MEAK7: variants seen among roughly 807,000 people sequenced by gnomAD.
MEAK7 encodes the protein MTOR-associated protein MEAK7.
A neutral mutation model predicts 40.5 loss-of-function variants in MEAK7; 68 were observed. That is an observed-to-expected ratio of 1.68 (90% CI 1.38 to 2.06). The LOEUF (loss-of-function observed/expected upper bound fraction) is 2.06. Among genes scored for constraint, MEAK7 ranks in the 30% most tolerant of loss-of-function variants. MEAK7 has a pLI of 0.00. For synonymous variants in MEAK7, 338 were observed against 231.9 expected, an observed-to-expected ratio of 1.46 and a Z score of -4.16; for missense variants, 918 against 580.5, an observed-to-expected ratio of 1.58 and a Z score of -5.98.
Position 84,479,742 on chromosome 16 carries a change from G to C in MEAK7, c.*171C>G, listed in dbSNP as rs550560002. Reference sequence around the variant, plus strand: ...CTATTTCTGGGAGATCCACCCATGAGTCAGGACATGGCTTCAGAGGGCGTC... The same window carrying C: ...CTATTTCTGGGAGATCCACCCATGACTCAGGACATGGCTTCAGAGGGCGTC... On this transcript the variant is annotated 3_prime_UTR_variant, in exon 8 of 8. Coordinates refer to ENST00000343629, the MANE Select transcript of MEAK7 (RefSeq NM_020947.4). The C allele has an allele frequency of 4.6e-6, 2 of 435,412 alleles. No homozygotes were observed. Among genetic ancestry groups the C allele is most frequent in the East Asian group, 7.0e-5 (2 of 28,664 alleles). The allele number at this position is 435,412 out of a possible 1,614,324, so 27.0% of individuals were successfully genotyped here. A position where few individuals can be genotyped will look rare whatever the true frequency, so the allele number is the denominator to read the frequency against.
At chr16:84,500,555 C>A (rs1306800728) in intron 1 of MEAK7, among the ~76,000 whole-genome samples, 2 of 152,166 alleles carry the variant, frequency 1.3e-5, no homozygotes, top group Non-Finnish European at 2.9e-5. Context: ...CTGGGGGGCT[C>A]CTTGGAAGGG....
At chr16:84,485,669 T>TCTAC (rs1218810587) in intron 5 of MEAK7, among the ~76,000 whole-genome samples, 1 of 150,402 alleles carries the variant, frequency 6.6e-6, no homozygotes, top group East Asian at 2.1e-4. Flanking sequence ...CATCCATCTA[T>TCTAC]CTACCTATCT....
chr16:84,495,830 C>A lies in MEAK7; in HGVS notation c.237G>T (p.Ala79=). Residue 79 remains alanine, a synonymous_variant, in exon 3 of 8, where the codon GCG becomes GCT. Transcript: ENST00000343629. Reference sequence around the variant, plus strand: ...GGGACACGTTCTCACTGGGTCCCTTCGCCTTCCCTGTCAGGTCGACCCTCC... The same window carrying A: ...GGGACACGTTCTCACTGGGTCCCTTAGCCTTCCCTGTCAGGTCGACCCTCC... ...GMRRVDLTGK[A]KGPSENVSQE... The A allele has an allele frequency of 6.2e-7, 1 of 1,614,106 alleles. No homozygotes were observed. The highest frequency in any genetic ancestry group is 8.5e-7 in the Non-Finnish European group (1 of 1,180,044).
Position 84,479,424 on chromosome 16 carries a change from A to AAGGTCTCAGCTGCTTAGGAT in MEAK7, c.*488_*489insATCCTAAGCAGCTGAGACCT, listed in dbSNP as rs1360843150. ...AGCGGAATTCCCTAATGCCAGCGGA[A>AAGGTCTCAGCTGCTTAGGAT]TTCCCTAATGCCAGCGGAATTCCCT... On this transcript the variant is annotated 3_prime_UTR_variant, in exon 8 of 8. Coordinates refer to ENST00000343629, the MANE Select transcript of MEAK7 (RefSeq NM_020947.4). The AAGGTCTCAGCTGCTTAGGAT allele has an allele frequency of 6.7e-6, 1 of 148,280 alleles. No homozygotes were observed. Among genetic ancestry groups the AAGGTCTCAGCTGCTTAGGAT allele is most frequent in the South Asian group, 2.2e-4 (1 of 4,528 alleles). The allele number at this position is 148,280 out of a possible 1,614,324, so 9.2% of individuals were successfully genotyped here.
chr16:84,476,669 G>C lies in MEAK7; in HGVS notation c.*3244C>G, dbSNP rs1451338014. ...CATCACGCAGTCCATAAAGACAAGA[G>C]GGAGGCAGGTGGGTGGTTACGGACC... is the stretch of plus-strand genomic sequence containing the variant. On this transcript the variant is annotated 3_prime_UTR_variant, in exon 8 of 8. Transcript: ENST00000343629. 3.3e-5 allele frequency: 5 copies of C among 152,296 alleles called. No homozygotes were observed. Among genetic ancestry groups the C allele is most frequent in the African/African-American group, 1.2e-4 (5 of 41,548 alleles). 9.4% of individuals were successfully genotyped at this position (152,296 alleles called of 1,614,324 possible). A position where few individuals can be genotyped will look rare whatever the true frequency, so the allele number is the denominator to read the frequency against.
intron 4 of MEAK7, 143 bp downstream of exon 4, chr16:84,489,135 G>A (rs751432580): frequency 9.3e-7 from 1 of 1,079,654 alleles, no homozygotes; most frequent in Non-Finnish European, 1.2e-6. Context: ...TTTAAAATAT[G>A]CCAACAAACT....
chr16:84,482,689 A>G lies in MEAK7; in HGVS notation c.980T>C (p.Phe327Ser), dbSNP rs546906285. ...CACAGCCATGCTGGGGCAGATGGAGAACAGGAAGCATCTGTTGTCCCCTGA... is the reference window on the plus strand; with the variant it reads ...CACAGCCATGCTGGGGCAGATGGAGGACAGGAAGCATCTGTTGTCCCCTGA... ...QFQGDNRCFL[F>S]SICPSMAVYT... Residue 327 changes from phenylalanine (F) to serine (S), a missense_variant, in exon 6 of 8, where the codon TTC (phenylalanine) becomes TCC (serine). Physicochemically the swap from Phe to Ser is radical, Grantham distance 155. Coordinates refer to ENST00000343629, the MANE Select transcript of MEAK7 (RefSeq NM_020947.4). 1.2e-6 allele frequency: 2 copies of G among 1,614,164 alleles called. No individual in the cohort carries two copies. Among genetic ancestry groups the G allele is most frequent in the Admixed American group, 1.7e-5 (1 of 60,016 alleles).
intron 3 of MEAK7, among the ~76,000 whole-genome samples, chr16:84,493,405 A>G (rs1225711289): frequency 2.6e-5 from 4 of 152,228 alleles, no homozygotes. Flanking sequence ...TAGGACTCAT[A>G]GGGGGCTGAC....
chr16:84,497,084 C>T (rs1192414332), intron 2 of MEAK7: 1 of 162,798 alleles, frequency 6.1e-6, no homozygotes, highest in African/African-American at 2.4e-5. Flanking sequence ...CAGGGTCTCC[C>T]TCTGTCACCC....
chr16:84,481,191 G>A (rs1020948292), intron 6 of MEAK7, among the ~76,000 whole-genome samples: 3 of 152,218 alleles, frequency 2.0e-5, no homozygotes, highest in African/African-American at 7.2e-5. Context: ...CTTACAGGAT[G>A]CGGAGGCAGA....
chr16:84,500,961 G>A (rs1435671884), intron 1 of MEAK7, among the ~76,000 whole-genome samples: 2 of 152,106 alleles, frequency 1.3e-5, no homozygotes, highest in Non-Finnish European at 2.9e-5. Flanking sequence ...CAGGCATGGT[G>A]CTGTGCACCT....
At chr16:84,486,283 A>T in intron 5 of MEAK7, 1 of 291,014 alleles carries the variant, frequency 3.4e-6, no homozygotes, top group Non-Finnish European at 5.7e-6. Flanking sequence ...GGGCAGGGGC[A>T]GGAAGGCCCA....
rs112860791 is a variant in MEAK7, at chr16:84,492,569, T to TTTAATTTATTTATTTATTTA, written c.384+3113_384+3114insTAAATAAATAAATAAATTAA. Among the ~76,000 whole-genome samples, 17 of 146,810 alleles carry TTTAATTTATTTATTTATTTA rather than the reference T, an allele frequency of 1.2e-4. No individual in the cohort carries two copies. In the East Asian group the frequency reaches 2.6e-3, roughly 22 times the overall value. On this transcript the variant is annotated intron_variant, in intron 3 of 7. Coordinates refer to ENST00000343629, the MANE Select transcript of MEAK7 (RefSeq NM_020947.4). ...TTATTTTGTGATATCAAGTGTTTTA[T>TTTAATTTATTTATTTATTTA]TTTATTTATTTATTTATTTATTTAT...
At chr16:84,497,714 G>T in intron 2 of MEAK7, 1 of 1,409,764 alleles carries the variant, frequency 7.1e-7, no homozygotes, top group Non-Finnish European at 9.6e-7. Flanking sequence ...ACTGTCTATG[G>T]CTATTTTCAC....
rs149289395 is a variant in MEAK7, at chr16:84,495,797, C to T, written c.270G>A (p.Gln90=). ...KGPSENVSQE[Q]FTASMSHLLK... is the part of the protein sequence containing the mutation. Reference sequence around the variant, plus strand: ...ACAGGTGGGACATGGATGCTGTGAACTGCTCCTGGGACACGTTCTCACTGG... The same window carrying T: ...ACAGGTGGGACATGGATGCTGTGAATTGCTCCTGGGACACGTTCTCACTGG... The change falls in exon 3 of 8, where the codon CAG becomes CAA. Residue 90 remains glutamine, a synonymous_variant. Coordinates refer to ENST00000343629, the MANE Select transcript of MEAK7 (RefSeq NM_020947.4). 4.3e-6 allele frequency: 7 copies of T among 1,613,986 alleles called. No homozygotes were observed. The highest frequency in any genetic ancestry group is 5.9e-6 in the Non-Finnish European group (7 of 1,180,034).
chr16:84,490,290 A>C (rs1346912318), intron 3 of MEAK7, among the ~76,000 whole-genome samples: 2 of 151,530 alleles, frequency 1.3e-5, no homozygotes, highest in Non-Finnish European at 1.5e-5. Flanking sequence ...GAAAAAAAAA[A>C]AAAAGAAGGA....
At chr16:84,492,963 T>C (rs1432527082) in intron 3 of MEAK7, among the ~76,000 whole-genome samples, 1 of 152,228 alleles carries the variant, frequency 6.6e-6, no homozygotes, top group Non-Finnish European at 1.5e-5. Flanking sequence ...ACCTCAATTA[T>C]TGTTTTGATA....
At position 84,476,713 on chromosome 16, in the gene MEAK7, C is replaced by A. The variant is rs73249707; in HGVS notation, c.*3200G>T. 6.6e-6 allele frequency: 1 copy of A among 152,058 alleles called. No individual in the cohort carries two copies. Among genetic ancestry groups the A allele is most frequent in the Non-Finnish European group, 1.5e-5 (1 of 68,038 alleles). 9.4% of individuals were successfully genotyped at this position (152,058 alleles called of 1,614,324 possible). Reference sequence around the variant, plus strand: ...ACGGACCTCCCTTTAAAAAAGAAAGCGAGGGACACATCAGTGTGTAAAAGA... The same window carrying A: ...ACGGACCTCCCTTTAAAAAAGAAAGAGAGGGACACATCAGTGTGTAAAAGA... On this transcript the variant is annotated 3_prime_UTR_variant, in exon 8 of 8. Transcript: ENST00000343629.
At chr16:84,502,144 C>G (rs77402126) in intron 1 of MEAK7, among the ~76,000 whole-genome samples, 3 of 142,814 alleles carry the variant, frequency 2.1e-5, no homozygotes, top group Admixed American at 1.4e-4. Flanking sequence ...AACTCGGTCT[C>G]AAAAAAAAAA....
Sources: gnomAD v4.1 joint callset for allele counts (sites outside exome capture counted in the v4.1 genomes callset) on GRCh38, gnomAD v4.1.1 for gene constraint, MANE v1.5 for transcripts, NCBI Gene and HGNC (gene_info 2026-07-23, HGNC 2026-07-21) for gene names.